Variants in PRMT8 observed in about 807,000 individuals in gnomAD.
The protein encoded by PRMT8 is protein arginine methyltransferase 8.
PRMT8 carries 7 observed loss-of-function variants against 47.1 expected under a neutral mutation model. That is an observed-to-expected ratio of 0.15 (90% confidence interval 0.08 to 0.28). The LOEUF is 0.28. PRMT8 is among the 10% of genes least tolerant of loss of function. The pLI, the probability that PRMT8 is intolerant of heterozygous loss-of-function variation, is 1.00. For missense variants in PRMT8, 237 were observed against 505.4 expected (o/e 0.47, Z 5.09); for synonymous variants, 188 against 186.5 (o/e 1.01, Z -0.07).
In PRMT8 at chr12:3,539,008, C is replaced by T. The variant is rs541800181; in HGVS notation, c.76-1598C>T. ...GACACAGAACAGTCTTGGGACTGCG[C>T]GGAGTGATTCCACGGAGGGGTTGAA... On this transcript the variant is annotated intron_variant, in intron 1 of 9. Coordinates refer to ENST00000382622, the MANE Select transcript of PRMT8 (RefSeq NM_019854.5). 9.8e-5 allele frequency among the ~76,000 whole-genome samples: 15 copies of T among 152,286 alleles called. No homozygotes were observed. The East Asian group carries it at 1.4e-3, about 14-fold the overall frequency.
chr12:3,571,471 A>G (rs950672434), intron 6 of PRMT8, among the ~76,000 whole-genome samples: 24 of 152,320 alleles, frequency 1.6e-4, no homozygotes, highest in African/African-American at 5.8e-4. Context: ...TGGTTTCCAC[A>G]ACAAAGATAC....
At chr12:3,381,513 C>T in intron 1 of PRMT8, 1 of 1,451,172 alleles carries the variant, frequency 6.9e-7, no homozygotes, top group South Asian at 1.2e-5. Flanking sequence ...TTTATCTTGA[C>T]CCCGTGTGGG....
chr12:3,473,647 T>C (rs1234328616), intron 1 of PRMT8, among the ~76,000 whole-genome samples: 1 of 152,192 alleles, frequency 6.6e-6, no homozygotes, highest in Non-Finnish European at 1.5e-5. Context: ...CACGGCCACC[T>C]GTCACCTGGG....
At position 3,572,086 on chromosome 12, in the gene PRMT8, TTTC is replaced by T. The variant is rs1273336863; in HGVS notation, c.712+2531_712+2533del. ...CCTCTCCTTCCCTTCCCTCCCCTCC[TTTC>T]TTCTTCTTTCTCAACCACACACAGC... On this transcript the variant is annotated intron_variant, in intron 6 of 9. Transcript: ENST00000382622. The surrounding 1 kb of genome is among the most constrained non-coding windows in gnomAD (Gnocchi z 5.9). 6.6e-6 allele frequency among the ~76,000 whole-genome samples: 1 copy of T among 152,182 alleles called. No individual in the cohort carries two copies.
intron 3 of PRMT8, 164 bp from the exon 4 acceptor site, chr12:3,553,487 T>TG (rs1211079790): frequency 3.3e-5 from 21 of 644,102 alleles, no homozygotes; most frequent in Non-Finnish European, 2.2e-5. Flanking sequence ...GGCCTTGAGG[T>TG]GGGGGGGCTG....
At chr12:3,539,222 C>T (rs1866176280) in intron 1 of PRMT8, among the ~76,000 whole-genome samples, 1 of 152,198 alleles carries the variant, frequency 6.6e-6, no homozygotes. Flanking sequence ...TTCCATATAT[C>T]AACTCCTCCA....
chr12:3,561,440 T>C (rs1450214793), intron 4 of PRMT8, among the ~76,000 whole-genome samples: 2 of 152,180 alleles, frequency 1.3e-5, no homozygotes. Flanking sequence ...GAGTCACATG[T>C]TTTTATTCAT....
At chr12:3,398,066 C>T (rs1304127790) in intron 1 of PRMT8, among the ~76,000 whole-genome samples, 8 of 152,000 alleles carry the variant, frequency 5.3e-5, no homozygotes, top group Admixed American at 5.2e-4. Context: ...TGCTTCGGCT[C>T]GCGCACGGTG....
chr12:3,470,125 A>T (rs376006063), intron 1 of PRMT8, among the ~76,000 whole-genome samples: 27 of 152,216 alleles, frequency 1.8e-4, no homozygotes, highest in African/African-American at 6.3e-4. Context: ...ATAAAAAAAA[A>T]TTTCAAAATT....
At chr12:3,520,794 A>G (rs868274929) in intron 1 of PRMT8, among the ~76,000 whole-genome samples, 5 of 152,248 alleles carry the variant, frequency 3.3e-5, no homozygotes, top group Non-Finnish European at 5.9e-5. Flanking sequence ...GACACTATAT[A>G]TATTAATTCC....
chr12:3,469,005 T>A, intron 1 of PRMT8: 1 of 291,646 alleles, frequency 3.4e-6, no homozygotes, highest in South Asian at 3.8e-5. Context: ...GGCCACGTGC[T>A]GTCTATTCAC....
chr12:3,446,177 G>A (rs970145712), intron 1 of PRMT8, among the ~76,000 whole-genome samples: 2 of 152,158 alleles, frequency 1.3e-5, no homozygotes, highest in African/African-American at 4.8e-5. Context: ...TGGCAAGAGG[G>A]GTTTAAGGCC....
intron 1 of PRMT8, among the ~76,000 whole-genome samples, chr12:3,470,343 A>C (rs1370619395): frequency 1.3e-5 from 2 of 152,112 alleles, no homozygotes; most frequent in African/African-American, 4.8e-5. Context: ...GTTTTTCCAT[A>C]GGACTCAATG....
chr12:3,555,614 T>C (rs1240656658), intron 4 of PRMT8, among the ~76,000 whole-genome samples: 1 of 152,184 alleles, frequency 6.6e-6, no homozygotes, highest in Non-Finnish European at 1.5e-5. Context: ...AGGTGGCTTC[T>C]CTATGGAGGA....
intron 1 of PRMT8, among the ~76,000 whole-genome samples, chr12:3,518,123 C>T (rs1403048486): frequency 6.6e-6 from 1 of 151,706 alleles, no homozygotes; most frequent in Non-Finnish European, 1.5e-5. Context: ...CCTCACCATA[C>T]ATGTCACAAA....
intron 1 of PRMT8, among the ~76,000 whole-genome samples, chr12:3,408,458 A>G (rs1043243242): frequency 1.3e-5 from 2 of 152,104 alleles, no homozygotes; most frequent in African/African-American, 2.4e-5. Context: ...GCTGGTCTTA[A>G]ACTCATGGAC....
intron 1 of PRMT8, among the ~76,000 whole-genome samples, chr12:3,405,290 A>G (rs984419104): frequency 5.9e-5 from 9 of 152,134 alleles, no homozygotes; most frequent in African/African-American, 2.2e-4. Flanking sequence ...TCATGATTCA[A>G]TTACCTCCCA....
chr12:3,496,214 A>ATATATATATTTTTTTT, intron 1 of PRMT8, among the ~76,000 whole-genome samples: 2 of 27,776 alleles, frequency 7.2e-5, no homozygotes, highest in African/African-American at 1.8e-4. Flanking sequence ...ATATATATAT[A>ATATATATATTTTTTTT]TTTTTTTTTT....
chr12:3,533,857 T>A (rs1048096720), intron 1 of PRMT8, among the ~76,000 whole-genome samples: 1 of 152,274 alleles, frequency 6.6e-6, no homozygotes, highest in Non-Finnish European at 1.5e-5. Flanking sequence ...TGTTCTTTTT[T>A]TCTGCAAACC....
Sources: gnomAD v4.1 joint callset for allele counts (sites outside exome capture counted in the v4.1 genomes callset) on GRCh38, gnomAD v4.1.1 for gene constraint, Gnocchi (gnomAD v3.1) non-coding constraint, MANE v1.5 for transcripts, NCBI Gene and HGNC (gene_info 2026-07-23, HGNC 2026-07-21) for gene names.